DTNA: variants seen among roughly 807,000 people sequenced by gnomAD.
The protein encoded by DTNA is dystrobrevin alpha.
In DTNA, 43 loss-of-function variants were observed where a neutral mutation model predicts 100.7. The observed-to-expected ratio is 0.43, with a 90% confidence interval of 0.33 to 0.55. The LOEUF (loss-of-function observed/expected upper bound fraction) is 0.55. Among genes scored for constraint, DTNA ranks in the 20% least tolerant of loss-of-function variants. DTNA has a pLI of 0.04. For synonymous variants in DTNA, 349 were observed against 347.9 expected, an observed-to-expected ratio of 1.00 and a Z score of -0.04; for missense variants, 798 against 953.9, an observed-to-expected ratio of 0.84 and a Z score of 2.15.
In DTNA at chr18:34,498,436, A is replaced by AAAT. The variant is rs1327919944; in HGVS notation, c.-2+4927_-2+4929dup. ...CAACAGAACGAGACTCCATCTCAGAAAATAATATAATAATAATAATAATAA... is the reference window on the plus strand; with the variant it reads ...CAACAGAACGAGACTCCATCTCAGAAAATAATAATATAATAATAATAATAATAA... On this transcript the variant is annotated intron_variant, in intron 1 of 19. Coordinates refer to the DTNA transcript ENST00000283365. Among the ~76,000 whole-genome samples, 23 of 98,136 alleles carry AAAT rather than the reference A, an allele frequency of 2.3e-4. No homozygotes were observed. In the East Asian group the frequency reaches 6.3e-3, roughly 27 times the overall value. 64.4% of individuals were successfully genotyped at this position (98,136 alleles called of 152,430 possible). A position where few individuals can be genotyped will look rare whatever the true frequency, so the allele number is the denominator to read the frequency against.
chr18:34,792,551 A>G (rs2149013085), intron 3 of DTNA, among the ~76,000 whole-genome samples: 1 of 152,364 alleles, frequency 6.6e-6, no homozygotes, highest in Non-Finnish European at 1.5e-5. Flanking sequence ...CTGTTAGTGA[A>G]AAAATATATA....
intron 1 of DTNA, among the ~76,000 whole-genome samples, chr18:34,552,646 C>T (rs911420376): frequency 1.3e-4 from 20 of 150,570 alleles, no homozygotes; most frequent in East Asian, 4.0e-4. Flanking sequence ...TTTGTTCTTG[C>T]GATAGTTTAC....
intron 15 of DTNA, among the ~76,000 whole-genome samples, chr18:34,852,863 T>A (rs1366011276): frequency 6.6e-6 from 1 of 152,174 alleles, no homozygotes; most frequent in Non-Finnish European, 1.5e-5. Context: ...CAGAAACTAG[T>A]CTCAATTACA....
chr18:34,682,035 A>G (rs1162627453), intron 1 of DTNA, among the ~76,000 whole-genome samples: 1 of 152,108 alleles, frequency 6.6e-6, no homozygotes, highest in Non-Finnish European at 1.5e-5. Flanking sequence ...GATGTCATAT[A>G]GTTGAAATCA....
chr18:34,848,202 A>G, intron 13 of DTNA, 94 bp from the exon 14 acceptor site: 1 of 1,244,456 alleles, frequency 8.0e-7, no homozygotes, highest in Non-Finnish European at 1.2e-6. Flanking sequence ...TTTTGCACCA[A>G]AACATTGAAA....
chr18:34,579,917 C>G (rs764691512), intron 1 of DTNA, among the ~76,000 whole-genome samples: 8 of 152,072 alleles, frequency 5.3e-5, no homozygotes, highest in Non-Finnish European at 1.2e-4. Context: ...TTGATTTTCT[C>G]CCCGCTACTT....
At chr18:34,868,350 C>A in intron 17 of DTNA, 1 of 517,290 alleles carries the variant, frequency 1.9e-6, no homozygotes. Flanking sequence ...TGACCTCAGT[C>A]AAAATTAAAA....
chr18:34,615,714 G>A (rs2055136048), intron 1 of DTNA, among the ~76,000 whole-genome samples: 1 of 152,100 alleles, frequency 6.6e-6, no homozygotes, highest in South Asian at 2.1e-4. Flanking sequence ...GTACTCAGTA[G>A]GCAACTTTAC....
chr18:34,690,992 A>G (rs1349999561), intron 1 of DTNA, among the ~76,000 whole-genome samples: 1 of 152,220 alleles, frequency 6.6e-6, no homozygotes, highest in Non-Finnish European at 1.5e-5. Flanking sequence ...GAGGTTAAGT[A>G]GGTTGAAGGT....
At chr18:34,712,908 G>A (rs1001172801) in intron 1 of DTNA, among the ~76,000 whole-genome samples, 4 of 152,100 alleles carry the variant, frequency 2.6e-5, no homozygotes, top group Admixed American at 2.6e-4. Context: ...TATAGCCTCT[G>A]CTAAAAAATT....
chr18:34,739,364 GACAA>G (rs2090208489), intron 1 of DTNA, among the ~76,000 whole-genome samples: 1 of 152,098 alleles, frequency 6.6e-6, no homozygotes, highest in African/African-American at 2.4e-5. Context: ...CTCAAGTTTG[GACAA>G]ACAAAGGCAC....
rs956663190 is a variant in DTNA, at chr18:34,867,611, C to T, written c.1743+3549C>T. ...AGGAAATAAGGTTCAATTATAACCT[C>T]CCTCCTCCTAGCAGAGAGAGAGGGC... is the stretch of plus-strand genomic sequence containing the variant. On this transcript the variant is annotated intron_variant, in intron 17 of 22. Coordinates refer to ENST00000444659, the MANE Select transcript of DTNA (RefSeq NM_001386795.1). 6.9e-6 allele frequency: 7 copies of T among 1,011,542 alleles called. No homozygotes were observed. The African/African-American group carries it at 1.2e-4, about 17-fold the overall frequency. 62.7% of individuals were successfully genotyped at this position (1,011,542 alleles called of 1,614,324 possible).
At chr18:34,767,676 C>T (rs924615983) in intron 3 of DTNA, 3 of 129,818 alleles carry the variant, frequency 2.3e-5, no homozygotes, top group Non-Finnish European at 5.0e-5. Flanking sequence ...TAACTCAGGT[C>T]TGTCTTCCCC....
At chr18:34,595,603 A>AT (rs2050435314) in intron 1 of DTNA, among the ~76,000 whole-genome samples, 1 of 152,188 alleles carries the variant, frequency 6.6e-6, no homozygotes, top group African/African-American at 2.4e-5. Context: ...TAATTATAGT[A>AT]TCTCAAGTGT....
chr18:34,596,419 A>G (rs1255574155), intron 1 of DTNA, among the ~76,000 whole-genome samples: 1 of 151,994 alleles, frequency 6.6e-6, no homozygotes, highest in Non-Finnish European at 1.5e-5. Flanking sequence ...GGTTTTCAAC[A>G]TGTTGGCCAG....
rs2095918079 is a variant in DTNA, at chr18:34,828,601, GA to G, written c.1086-798del. ...AGACAATGAGACTAAGAACACAGCT[GA>G]TTTTTTTTCCTCTGAGTTCCTGTAT... is the stretch of plus-strand genomic sequence containing the variant. On this transcript the variant is annotated intron_variant, in intron 10 of 22. Transcript: ENST00000444659. Among the ~76,000 whole-genome samples the G allele has an allele frequency of 2.0e-5, 3 of 152,278 alleles. No individual in the cohort carries two copies. The South Asian group carries it at 6.2e-4, about 32-fold the overall frequency.
intron 1 of DTNA, chr18:34,494,016 G>C (rs1438456508): frequency 6.6e-6 from 1 of 150,664 alleles, no homozygotes; most frequent in Non-Finnish European, 1.5e-5. Flanking sequence ...GCGCGGGGCC[G>C]CGCAGGTAAA....
intron 1 of DTNA, among the ~76,000 whole-genome samples, chr18:34,676,680 C>T (rs879426923): frequency 6.6e-6 from 1 of 152,010 alleles, no homozygotes; most frequent in Non-Finnish European, 1.5e-5. Flanking sequence ...ACAAAACATA[C>T]AAAAATTAGC....
chr18:34,815,034 A>G (rs1944997), intron 6 of DTNA, among the ~76,000 whole-genome samples: 42,873 of 151,960 alleles, frequency 0.28, 6,492 homozygotes, highest in African/African-American at 0.39. Flanking sequence ...GGAGGTAGGA[A>G]GACAGCTTGA....
Sources: allele counts gnomAD v4.1 joint callset (sites outside exome capture counted in the v4.1 genomes callset), GRCh38; gene constraint gnomAD v4.1.1; transcripts MANE v1.5; gene names NCBI Gene and HGNC (gene_info 2026-07-23, HGNC 2026-07-21).